GLIS3: variants seen among roughly 807,000 people sequenced by gnomAD.
The protein encoded by GLIS3 is GLIS family zinc finger 3, also known as zinc finger protein GLIS3.
A neutral mutation model predicts 78.6 loss-of-function variants in GLIS3; 53 were observed. The ratio of observed to expected loss-of-function variants is 0.67; its 90% CI spans 0.54 to 0.85. The LOEUF is 0.85. Ranked by LOEUF, GLIS3 falls within the 40% of genes least tolerant of loss-of-function variation. The probability of loss-of-function intolerance (pLI) is 0.00; values close to 1 mark genes in which losing one functional copy is unlikely to be tolerated. For missense variants in GLIS3, 1,703 were observed against 1,231.1 expected, an observed-to-expected ratio of 1.38 and a Z score of -5.74; for synonymous variants, 684 against 509.9, an observed-to-expected ratio of 1.34 and a Z score of -4.60.
At position 3,977,780 on chromosome 9, in the gene GLIS3, G is replaced by A. The variant is rs1208584999; in HGVS notation, c.1711-40591C>T. ...CTTGACTACCCCTTTCACCAAAGAG[G>A]AGAAAAAAATATTCTTAATTGAATT... On this transcript the variant is annotated intron_variant, in intron 4 of 10. Coordinates refer to ENST00000381971, the MANE Select transcript of GLIS3 (RefSeq NM_001042413.2). This position sits in a 1 kb window ranked among gnomAD's most constrained non-coding sequence, Gnocchi z 4.1. Among the ~76,000 whole-genome samples, 4 of 152,208 alleles carry A rather than the reference G, an allele frequency of 2.6e-5. No homozygotes were observed. Among genetic ancestry groups the A allele is most frequent in the Admixed American group, 1.3e-4 (2 of 15,292 alleles).
At chr9:4,036,408 G>T (rs542422464) in intron 4 of GLIS3, among the ~76,000 whole-genome samples, 235 of 152,214 alleles carry the variant, frequency 1.5e-3, no homozygotes, top group South Asian at 2.3e-3. Flanking sequence ...TAAATAAACA[G>T]ATGTATAAAT....
At chr9:3,983,448 C>A (rs1013876733) in intron 4 of GLIS3, among the ~76,000 whole-genome samples, 5 of 152,082 alleles carry the variant, frequency 3.3e-5, no homozygotes, top group Non-Finnish European at 5.9e-5. Flanking sequence ...AATGTGGAAG[C>A]GGCTCTGAGA....
chr9:4,472,186 G>A, the GLIS3 span, among the ~76,000 whole-genome samples: 1 of 152,202 alleles, frequency 6.6e-6, no homozygotes, highest in African/African-American at 2.4e-5. Context: ...ATCCATTGTG[G>A]AAGACAGTGT....
chr9:4,100,551 C>G (rs1478731122), intron 4 of GLIS3, among the ~76,000 whole-genome samples: 2 of 152,108 alleles, frequency 1.3e-5, no homozygotes. Context: ...TTCAAAAGGA[C>G]AAAATTACAT....
chr9:4,127,903 A>G (rs1832698276), intron 2 of GLIS3, among the ~76,000 whole-genome samples: 1 of 152,238 alleles, frequency 6.6e-6, no homozygotes, highest in Non-Finnish European at 1.5e-5. Context: ...AACAGCATCC[A>G]AGGAATACTA....
At chr9:4,470,948 T>C in the GLIS3 span, among the ~76,000 whole-genome samples, 4 of 151,758 alleles carry the variant, frequency 2.6e-5, no homozygotes, top group Non-Finnish European at 5.9e-5. Flanking sequence ...ACAAGCATTC[T>C]TATACACCAA....
chr9:3,905,975 T>G (rs150231170), intron 6 of GLIS3, among the ~76,000 whole-genome samples: 1 of 152,288 alleles, frequency 6.6e-6, no homozygotes, highest in Non-Finnish European at 1.5e-5. Flanking sequence ...GACTGGACAT[T>G]CTGGGCTGAA....
chr9:4,080,804 C>T (rs981465282), intron 4 of GLIS3, among the ~76,000 whole-genome samples: 5 of 152,102 alleles, frequency 3.3e-5, no homozygotes, highest in East Asian at 1.9e-4. Context: ...AGTGAGGGGG[C>T]AGATAACGCA....
At chr9:4,300,286 T>A (rs1172859771), upstream of GLIS3, among the ~76,000 whole-genome samples, 3 of 151,156 alleles carry the variant, frequency 2.0e-5, no homozygotes, top group Non-Finnish European at 4.4e-5. Flanking sequence ...CAGAACAGGG[T>A]AACAGCAGGG....
At chr9:4,065,303 A>G (rs111659496) in intron 4 of GLIS3, among the ~76,000 whole-genome samples, 3 of 152,320 alleles carry the variant, frequency 2.0e-5, no homozygotes, top group Admixed American at 6.5e-5. Context: ...CATTAGAGAA[A>G]CCGAACAAAG....
the GLIS3 span, among the ~76,000 whole-genome samples, chr9:4,389,325 C>G: frequency 9.9e-5 from 15 of 152,188 alleles, no homozygotes; most frequent in Non-Finnish European, 1.9e-4. Context: ...ATGAATATCT[C>G]TTCCCCTTCA....
intron 4 of GLIS3, among the ~76,000 whole-genome samples, chr9:4,095,755 T>G (rs1244717053): frequency 1.3e-5 from 2 of 152,158 alleles, no homozygotes; most frequent in Admixed American, 6.5e-5. Context: ...AAAAAGGAAT[T>G]AACACTTAAG....
At chr9:4,128,514 C>T (rs1241850523) in intron 2 of GLIS3, among the ~76,000 whole-genome samples, 2 of 152,170 alleles carry the variant, frequency 1.3e-5, no homozygotes, top group Non-Finnish European at 2.9e-5. Context: ...ACAAAAGATA[C>T]TTATAAGTGA....
the GLIS3 span, among the ~76,000 whole-genome samples, chr9:4,389,866 C>CAGG: frequency 6.6e-6 from 1 of 152,274 alleles, no homozygotes; most frequent in East Asian, 1.9e-4. Context: ...TTTATCCTGC[C>CAGG]AGGCAGCAGT....
At chr9:3,920,187 T>G (rs1181853449) in intron 6 of GLIS3, among the ~76,000 whole-genome samples, 1 of 152,042 alleles carries the variant, frequency 6.6e-6, no homozygotes, top group Non-Finnish European at 1.5e-5. Context: ...GTATTTTTAG[T>G]AGAGACGGGG....
At chr9:4,421,467 C>A in the GLIS3 span, among the ~76,000 whole-genome samples, 1 of 152,224 alleles carries the variant, frequency 6.6e-6, no homozygotes, top group Non-Finnish European at 1.5e-5. Flanking sequence ...ATCCATCATA[C>A]CTGATCAATT....
chr9:4,336,386 C>A (rs1428329498), intron 2 of GLIS3, among the ~76,000 whole-genome samples: 3 of 152,122 alleles, frequency 2.0e-5, no homozygotes, highest in South Asian at 4.2e-4. Context: ...GCCACCAGGC[C>A]AGGCCAGGTC....
In GLIS3 at chr9:4,310,186, A is replaced by G. The variant is rs1361983556; in HGVS notation, n.392+215T>C. 3.9e-5 allele frequency among the ~76,000 whole-genome samples: 6 copies of G among 152,224 alleles called. No homozygotes were observed. The East Asian group carries it at 7.7e-4, about 19-fold the overall frequency. On this transcript the variant is annotated intron_variant and non_coding_transcript_variant, in intron 3 of 4. Coordinates refer to the GLIS3 transcript ENST00000471664. ...ACTTCCAACAATGGATGTAGTTGGT[A>G]TGATAATTTCACATCTAGCTATGGG...
At chr9:4,354,976 C>G in the GLIS3 span, among the ~76,000 whole-genome samples, 1 of 151,634 alleles carries the variant, frequency 6.6e-6, no homozygotes, top group Non-Finnish European at 1.5e-5. Context: ...ATTACCCAGG[C>G]GTGGTGGCGG....
Sources: gnomAD v4.1 joint callset for allele counts (sites outside exome capture counted in the v4.1 genomes callset) on GRCh38, gnomAD v4.1.1 for gene constraint, Gnocchi (gnomAD v3.1) non-coding constraint, MANE v1.5 for transcripts, NCBI Gene and HGNC (gene_info 2026-07-23, HGNC 2026-07-21) for gene names.